The following SLC29A3 variants were observed in gnomAD, a reference collection of about 807,000 sequenced individuals.
SLC29A3 encodes the protein equilibrative nucleoside transporter 3.
SLC29A3 carries 18 observed loss-of-function variants against 25.4 expected under a neutral mutation model. The observed-to-expected ratio is 0.71, with a 90% CI of 0.49 to 1.05. SLC29A3 has a LOEUF of 1.05. Among genes scored for constraint, SLC29A3 ranks in the 50% least tolerant of loss-of-function variants. The pLI is 0.00. For missense variants in SLC29A3, 586 were observed against 609.0 expected, an observed-to-expected ratio of 0.96 and a Z score of 0.40; for synonymous variants, 258 against 267.1, an observed-to-expected ratio of 0.97 and a Z score of 0.33.
intron 2 of SLC29A3, among the ~76,000 whole-genome samples, chr10:71,325,883 A>G (rs1316421): frequency 0.47 from 70,910 of 149,472 alleles, 17,705 homozygotes; most frequent in African/African-American, 0.65. Flanking sequence ...TGAACTCTCC[A>G]TGCTGCCTCA....
intron 2 of SLC29A3, among the ~76,000 whole-genome samples, chr10:71,337,923 C>T (rs1297874125): frequency 6.6e-6 from 1 of 152,222 alleles, no homozygotes; most frequent in African/African-American, 2.4e-5. Flanking sequence ...AAGAGCATCT[C>T]TCCCCTTTCC....
intron 1 of SLC29A3, among the ~76,000 whole-genome samples, chr10:71,320,114 C>T (rs1005735249): frequency 3.3e-5 from 5 of 152,196 alleles, no homozygotes; most frequent in East Asian, 3.9e-4. Context: ...ATTCCTGGCT[C>T]CTTCTTCAGA....
At chr10:71,342,608 G>A (rs55839648) in intron 2 of SLC29A3, among the ~76,000 whole-genome samples, 62,555 of 152,092 alleles carry the variant, frequency 0.41, 13,004 homozygotes, top group African/African-American at 0.42. Context: ...GCCTCACCGG[G>A]GCTTGGGCTG....
At chr10:71,320,499 A>G (rs1173044414) in intron 1 of SLC29A3, among the ~76,000 whole-genome samples, 1 of 152,134 alleles carries the variant, frequency 6.6e-6, no homozygotes, top group African/African-American at 2.4e-5. Context: ...GCTTGCAGAC[A>G]GCCTCCTTCT....
At chr10:71,333,669 G>C (rs111858569) in intron 2 of SLC29A3, among the ~76,000 whole-genome samples, 1 of 152,268 alleles carries the variant, frequency 6.6e-6, no homozygotes, top group South Asian at 2.1e-4. Context: ...AAGCCTGCCC[G>C]GTCAGGCAAG....
chr10:71,368,593 C>T (rs568889372), intron 3 of SLC29A3, among the ~76,000 whole-genome samples: 10 of 152,252 alleles, frequency 6.6e-5, no homozygotes, highest in Non-Finnish European at 1.2e-4. Flanking sequence ...CCAGACCACT[C>T]ACTTTGTCCT....
intron 2 of SLC29A3, among the ~76,000 whole-genome samples, chr10:71,343,002 TG>T (rs1362962362): frequency 6.6e-6 from 1 of 152,214 alleles, no homozygotes; most frequent in Non-Finnish European, 1.5e-5. Flanking sequence ...TTTTTAGAGA[TG>T]GGGTCTCACT....
At position 71,326,760 on chromosome 10, in the gene SLC29A3, C is replaced by T. The variant is rs77297657; in HGVS notation, c.300+3706C>T. 7.1e-3 allele frequency among the ~76,000 whole-genome samples: 1,086 copies of T among 152,340 alleles called. 7 individuals carry two copies. Among genetic ancestry groups the T allele is most frequent in the Non-Finnish European group, 0.011 (734 of 68,034 alleles). The stretch of plus-strand genomic sequence containing the variant: ...GCACTTGGCATTCTGAGCCCTGCTA[C>T]GATGCTTTATGGCCTCTCTCCAACT... On this transcript the variant is annotated intron_variant, in intron 2 of 5. Coordinates refer to ENST00000373189, the MANE Select transcript of SLC29A3 (RefSeq NM_018344.6).
At chr10:71,369,949 G>A (rs1373736708) in intron 3 of SLC29A3, among the ~76,000 whole-genome samples, 3 of 152,140 alleles carry the variant, frequency 2.0e-5, no homozygotes, top group African/African-American at 7.2e-5. Context: ...TGGATCTGAG[G>A]ACGCCCAGAG....
chr10:71,351,733 C>T lies in SLC29A3; in HGVS notation c.555C>T (p.Ser185=), dbSNP rs1254502462. ...GTGCCTCCACTGTCTTCAGCAGCAG[C>T]ATCTACGGCATGACCGGCTCCTTTC... The part of the protein sequence containing the change: ...LSGASTVFSS[S]IYGMTGSFPM... The change falls in exon 4 of 6, where the codon AGC becomes AGT. Residue 185 remains serine, a synonymous_variant. Transcript: ENST00000373189. 1 of 1,614,046 alleles carries T rather than the reference C, an allele frequency of 6.2e-7. No homozygotes were observed. Among genetic ancestry groups the T allele is most frequent in the Non-Finnish European group, 8.5e-7 (1 of 1,180,038 alleles).
intron 2 of SLC29A3, among the ~76,000 whole-genome samples, chr10:71,330,154 C>A (rs1025595109): frequency 6.6e-6 from 1 of 152,230 alleles, no homozygotes; most frequent in East Asian, 1.9e-4. Context: ...TGGTAATGCT[C>A]CCCTTTGCTG....
At chr10:71,339,485 G>A (rs1014473131) in intron 2 of SLC29A3, among the ~76,000 whole-genome samples, 9 of 152,262 alleles carry the variant, frequency 5.9e-5, no homozygotes, top group African/African-American at 1.9e-4. Context: ...TCCCACGTGG[G>A]TTTGAGAATT....
chr10:71,354,953 A>T (rs3781324), intron 4 of SLC29A3, among the ~76,000 whole-genome samples: 176 of 152,372 alleles, frequency 1.2e-3, no homozygotes, highest in East Asian at 6.9e-3. Flanking sequence ...GCAATGCTGC[A>T]CACAGACCTT....
chr10:71,377,178 G>T (rs909241495), intron 4 of SLC29A3, among the ~76,000 whole-genome samples: 1 of 152,256 alleles, frequency 6.6e-6, no homozygotes, highest in Admixed American at 6.5e-5. Context: ...CCCAGGCTGG[G>T]GTGGCACGGC....
chr10:71,353,437 G>C (rs535293992), intron 4 of SLC29A3, among the ~76,000 whole-genome samples: 1 of 152,268 alleles, frequency 6.6e-6, no homozygotes, highest in East Asian at 1.9e-4. Flanking sequence ...TTGCTGGCAG[G>C]CTCTCCAGGA....
At chr10:71,331,883 C>T (rs1846125560) in intron 2 of SLC29A3, among the ~76,000 whole-genome samples, 1 of 152,140 alleles carries the variant, frequency 6.6e-6, no homozygotes, top group Admixed American at 6.5e-5. Context: ...TTTCCTGGGA[C>T]ACTTGCCAAA....
Position 71,362,448 on chromosome 10 carries a change from G to A in SLC29A3, c.1268G>A (p.Gly423Glu). The A allele has an allele frequency of 6.2e-7, 1 of 1,614,170 alleles. No individual in the cohort carries two copies. The highest frequency in any genetic ancestry group is 8.5e-7 in the Non-Finnish European group (1 of 1,180,042). ...CCCGCACTCCTCAGCTCCCTGCTGG[G>A]GCTCAGCAACGGCTACCTCAGCACC... ...VYPALLSSLL[G>E]LSNGYLSTLA... is the part of the protein sequence containing the mutation. The change falls in exon 6 of 6, where the codon GGG (glycine) becomes GAG (glutamate). Residue 423 changes from glycine to glutamate, a missense_variant. Coordinates refer to ENST00000373189, the MANE Select transcript of SLC29A3 (RefSeq NM_018344.6).
At position 71,362,337 on chromosome 10, in the gene SLC29A3, G is replaced by A. The variant is rs397515429; in HGVS notation, c.1157G>A (p.Arg386Gln). ...SKALPGFVLL[R>Q]TCLIPLFVLC... ...GCGCTCCCAGGGTTCGTGCTCCTCC[G>A]GACCTGCCTCATCCCCCTCTTCGTG... Residue 386 changes from arginine (R) to glutamine (Q), a missense_variant, in exon 6 of 6, where the codon CGG (arginine) becomes CAG (glutamine). Arg to Gln is a conservative substitution (Grantham distance 43). Coordinates refer to ENST00000373189, the MANE Select transcript of SLC29A3 (RefSeq NM_018344.6). 1.1e-5 allele frequency: 18 copies of A among 1,614,122 alleles called. No individual in the cohort carries two copies. The highest frequency in any genetic ancestry group is 4.0e-5 in the African/African-American group (3 of 75,018).
chr10:71,336,551 T>C (rs1436486537), intron 2 of SLC29A3, among the ~76,000 whole-genome samples: 1 of 151,736 alleles, frequency 6.6e-6, no homozygotes, highest in Non-Finnish European at 1.5e-5. Context: ...GCCTGGTTCC[T>C]GGAGGCAGCA....
Sources: allele counts gnomAD v4.1 joint callset (sites outside exome capture counted in the v4.1 genomes callset), GRCh38; gene constraint gnomAD v4.1.1; transcripts MANE v1.5; gene names NCBI Gene and HGNC (gene_info 2026-07-23, HGNC 2026-07-21).